The following KRT79 variants were observed in gnomAD, a reference collection of about 807,000 sequenced individuals.
KRT79 encodes keratin, type II cytoskeletal 79.
Under a neutral mutation model 49.0 loss-of-function variants are expected in KRT79, and 51 were observed. The ratio of observed to expected loss-of-function variants is 1.04; its 90% CI spans 0.83 to 1.31. KRT79 has a LOEUF of 1.31. KRT79 is among the 40% of genes most tolerant of loss of function. The pLI, the probability that KRT79 is intolerant of heterozygous loss-of-function variation, is 0.00. For missense variants in KRT79, 728 were observed against 688.0 expected (o/e 1.06, Z -0.65); for synonymous variants, 312 against 286.6 (o/e 1.09, Z -0.90).
At chr12:52,830,447 T>C (rs1940236689) in intron 2 of KRT79, 155 bp from the exon 3 acceptor site, 4 of 628,240 alleles carry the variant, frequency 6.4e-6, no homozygotes, top group Admixed American at 2.8e-5. Context: ...TGAAGAAACA[T>C]GGGGTCTGCC....
At chr12:52,832,395 G>T (rs534990235) in intron 1 of KRT79, among the ~76,000 whole-genome samples, 1 of 151,818 alleles carries the variant, frequency 6.6e-6, no homozygotes, top group South Asian at 2.1e-4. Context: ...TTTTTTTAAA[G>T]TACCAATGTC....
In KRT79 at chr12:52,831,350, G is replaced by T. The variant is rs183692821; in HGVS notation, c.698+56C>A. 4,171 of 1,536,638 alleles carry T rather than the reference G, an allele frequency of 2.7e-3. 124 individuals are homozygous for T. The Admixed American group carries it at 0.055, about 20-fold the overall frequency. ...GGGAATGGGGTGGCCCTCTTGGCAG[G>T]TTTCCCACTGCCCCTCCTCACTCCC... On this transcript the variant is annotated intron_variant, in intron 2 of 8. Transcript: ENST00000330553.
rs559558190 is a variant in KRT79 at position 52,821,731 on chromosome 12, T to G, written c.*141A>C. On this transcript the variant is annotated 3_prime_UTR_variant, in exon 9 of 9. Transcript: ENST00000330553. ...GAGTAGATTTGAGCGCTTCCCAAGA[T>G]GCAAATAGTCTGGTATGAAAATACC... is the stretch of plus-strand genomic sequence containing the variant. The G allele has an allele frequency of 3.2e-5, 23 of 718,232 alleles. No individual in the cohort carries two copies. The highest frequency in any genetic ancestry group is 2.7e-4 in the East Asian group (10 of 36,928). The allele number at this position is 718,232 out of a possible 1,614,324, so 44.5% of individuals were successfully genotyped here. A position where few individuals can be genotyped will look rare whatever the true frequency, so the allele number is the denominator to read the frequency against.
At position 52,821,615 on chromosome 12, in the gene KRT79, AAAGGT is replaced by A; in HGVS notation, c.*252_*256del. On this transcript the variant is annotated 3_prime_UTR_variant, in exon 9 of 9. Transcript: ENST00000330553. ...AAATTCAGCCTCCTCTCGGTGGTCAAAAGGTCACCCCCAAGTCACCCAAGCACATC... is the reference window on the plus strand; with the variant it reads ...AAATTCAGCCTCCTCTCGGTGGTCAACACCCCCAAGTCACCCAAGCACATC... 1 of 406,988 alleles carries A rather than the reference AAAGGT, an allele frequency of 2.5e-6. No homozygotes were observed. Among genetic ancestry groups the A allele is most frequent in the East Asian group, 4.1e-5 (1 of 24,592 alleles). 25.2% of individuals were successfully genotyped at this position (406,988 alleles called of 1,614,324 possible). A position where few individuals can be genotyped will look rare whatever the true frequency, so the allele number is the denominator to read the frequency against.
At chr12:52,823,321 T>G in intron 6 of KRT79, 85 bp from the exon 7 acceptor site, 1 of 1,087,366 alleles carries the variant, frequency 9.2e-7, no homozygotes, top group Non-Finnish European at 1.4e-6. Flanking sequence ...GACATCATCA[T>G]TCCCACATCC....
At position 52,823,236 on chromosome 12, in the gene KRT79, A is replaced by G; in HGVS notation, c.1147T>C (p.Cys383Arg). The G allele has an allele frequency of 1.2e-6, 2 of 1,613,748 alleles. No individual in the cohort carries two copies. Among genetic ancestry groups the G allele is most frequent in the Non-Finnish European group, 1.7e-6 (2 of 1,179,722 alleles). ...GCAATGGCCGTCTGCAGCTGCTGACACTGCCCAGGGGAGAAAGGTGTTGGA... is the reference window on the plus strand; with the variant it reads ...GCAATGGCCGTCTGCAGCTGCTGACGCTGCCCAGGGGAGAAAGGTGTTGGA... The part of the protein sequence containing the change: ...QGEADAAKKQ[C>R]QQLQTAIAEA... Residue 383 changes from cysteine (C) to arginine (R), a missense_variant and splice_region_variant, in exon 7 of 9, where the codon TGT (cysteine) becomes CGT (arginine). Cys to Arg is a radical substitution (Grantham distance 180, BLOSUM62 -3). Transcript: ENST00000330553.
intron 8 of KRT79, 40 bp from the exon 9 acceptor site, chr12:52,822,117 C>T (rs1452860313): frequency 6.3e-7 from 1 of 1,596,282 alleles, no homozygotes. Context: ...GGCGGCCATG[C>T]CAGAGAGGGC....
intron 3 of KRT79, 43 bp downstream of exon 3, chr12:52,830,189 C>T (rs761604597): frequency 6.2e-6 from 10 of 1,613,498 alleles, no homozygotes; most frequent in Middle Eastern, 1.7e-4. Context: ...AGCCCAGTAC[C>T]CTGGCAGCCA....
chr12:52,825,445 C>T (rs1442080456), intron 4 of KRT79, among the ~76,000 whole-genome samples: 2 of 152,182 alleles, frequency 1.3e-5, no homozygotes, highest in Non-Finnish European at 2.9e-5. Context: ...GGTACTAACT[C>T]ATTACATGCC....
At chr12:52,829,908 G>T in intron 4 of KRT79, 115 bp downstream of exon 4, 1 of 862,332 alleles carries the variant, frequency 1.2e-6, no homozygotes, top group Non-Finnish European at 1.9e-6. Context: ...AAAGTGTTAA[G>T]GTTTCATCTT....
chr12:52,833,945 C>A lies in KRT79; in HGVS notation c.316G>T (p.Gly106Trp). 1 of 1,613,494 alleles carries A rather than the reference C, an allele frequency of 6.2e-7. No individual in the cohort carries two copies. The highest frequency in any genetic ancestry group is 8.5e-7 in the Non-Finnish European group (1 of 1,179,614). ...MGQGAGRQTF[G>W]PACPPGGIQE... ...ATCCCCCCAGGAGGACAAGCAGGCC[C>A]AAACGTCTGCCTGCCAGCCCCCTGT... Residue 106 changes from glycine to tryptophan, a missense_variant, in exon 1 of 9, where the codon GGG (glycine) becomes TGG (tryptophan). Transcript: ENST00000330553.
chr12:52,822,404 G>C (rs141767249), intron 7 of KRT79, 25 bp from the exon 8 acceptor site: 1 of 1,535,768 alleles, frequency 6.5e-7, no homozygotes, highest in East Asian at 2.3e-5. Context: ...AAGGCCAGGA[G>C]AGCAGTCAGT....
At position 52,821,897 on chromosome 12, in the gene KRT79, A is replaced by AC. The variant is rs1565688682; in HGVS notation, c.1582dup (p.Val528GlyfsTer84). On this transcript the variant is annotated frameshift_variant, in exon 9 of 9. Coordinates refer to ENST00000330553, the MANE Select transcript of KRT79 (RefSeq NM_175834.3). LOFTEE classifies it high-confidence loss of function. Reference sequence around the variant, plus strand: ...CTAATACCTCTGGCTGGACGTCTTGACCGTAGTGGTCTTCCGCAGGATGGA... The same window carrying AC: ...CTAATACCTCTGGCTGGACGTCTTGACCCGTAGTGGTCTTCCGCAGGATGGA... 1.2e-6 allele frequency: 2 copies of AC among 1,613,940 alleles called. No individual in the cohort carries two copies. Among genetic ancestry groups the AC allele is most frequent in the South Asian group, 2.2e-5 (2 of 91,068 alleles).
At position 52,821,825 on chromosome 12, in the gene KRT79, G is replaced by A. The variant is rs765127106; in HGVS notation, c.*47C>T. On this transcript the variant is annotated 3_prime_UTR_variant, in exon 9 of 9. Transcript: ENST00000330553. ...CTGGAAAGGACAGCAGAGGTGGGGTGAGGAGGGCAGGGACAGGATTGCAGG... is the reference window on the plus strand; with the variant it reads ...CTGGAAAGGACAGCAGAGGTGGGGTAAGGAGGGCAGGGACAGGATTGCAGG... 2.6e-6 allele frequency: 4 copies of A among 1,547,712 alleles called. No homozygotes were observed. Among genetic ancestry groups the A allele is most frequent in the African/African-American group, 2.7e-5 (2 of 73,508 alleles).
In KRT79 at chr12:52,834,240, C is replaced by CCGAGAGA. The variant is rs781547256; in HGVS notation, c.14_20dup (p.Gln8LeufsTer59). ...AGCCCCCTTTTGTGGAGTATGTTTG[C>CCGAGAGA]CGAGAGACGGAGGACCTCATAGCTG... On this transcript the variant is annotated frameshift_variant, in exon 1 of 9. Transcript: ENST00000330553. LOFTEE classifies it high-confidence loss of function. 1 of 1,613,410 alleles carries CCGAGAGA rather than the reference C, an allele frequency of 6.2e-7. No homozygotes were observed. The highest frequency in any genetic ancestry group is 1.7e-5 in the Admixed American group (1 of 60,010).
rs1014064116 is a variant in KRT79 at position 52,824,071 on chromosome 12, G to A, written c.1021-59C>T. The A allele has an allele frequency of 4.3e-6, 7 of 1,613,124 alleles. No homozygotes were observed. In the African/African-American group the frequency reaches 9.3e-5, roughly 22 times the overall value. ...ATGGCCCCAGCCCACCCTCACAGCTGGAGGCCCCATGCAAGTTGAGTATAT... is the reference window on the plus strand; with the variant it reads ...ATGGCCCCAGCCCACCCTCACAGCTAGAGGCCCCATGCAAGTTGAGTATAT... On this transcript the variant is annotated intron_variant, in intron 5 of 8. Transcript: ENST00000330553.
At chr12:52,823,660 G>A (rs1213136633) in intron 6 of KRT79, among the ~76,000 whole-genome samples, 1 of 152,144 alleles carries the variant, frequency 6.6e-6, no homozygotes, top group Non-Finnish European at 1.5e-5. Context: ...CAGTTTCCTT[G>A]GAGAAGGTTG....
chr12:52,827,092 A>G (rs900456932), intron 4 of KRT79, among the ~76,000 whole-genome samples: 4 of 152,144 alleles, frequency 2.6e-5, no homozygotes, highest in Non-Finnish European at 4.4e-5. Context: ...TCATGCCTCC[A>G]TGACACTGCA....
Position 52,821,543 on chromosome 12 carries a change from G to C in KRT79, c.*329C>G. The C allele has an allele frequency of 2.9e-6, 1 of 340,422 alleles. No homozygotes were observed. Among genetic ancestry groups the C allele is most frequent in the South Asian group, 3.3e-5 (1 of 30,622 alleles). 21.1% of individuals were successfully genotyped at this position (340,422 alleles called of 1,614,324 possible). On this transcript the variant is annotated 3_prime_UTR_variant, in exon 9 of 9. Transcript: ENST00000330553. ...TGGTGGGGGACTGGGGAGGTTGAAG[G>C]GTCTTTGGGGACCACTCCCAATTTC...
Sources: gnomAD v4.1 joint callset for allele counts (sites outside exome capture counted in the v4.1 genomes callset) on GRCh38, gnomAD v4.1.1 for gene constraint, MANE v1.5 for transcripts, NCBI Gene and HGNC (gene_info 2026-07-23, HGNC 2026-07-21) for gene names.